CNIH3: variants seen among roughly 807,000 people sequenced by gnomAD.
CNIH3 encodes protein cornichon homolog 3.
CNIH3 carries 14 observed loss-of-function variants against 24.1 expected under a neutral mutation model. The observed-to-expected ratio is 0.58, with a 90% CI of 0.38 to 0.91. The LOEUF is 0.91. Ranked by LOEUF, CNIH3 falls within the 40% of genes least tolerant of loss-of-function variation. The probability of loss-of-function intolerance (pLI) is 0.00; values close to 1 mark genes in which losing one functional copy is unlikely to be tolerated. For synonymous variants in CNIH3, 68 were observed against 73.8 expected (o/e 0.92, Z 0.40); for missense variants, 178 against 196.8 (o/e 0.90, Z 0.57).
At chr1:224,624,999 A>C (rs76585821) in intron 1 of CNIH3, among the ~76,000 whole-genome samples, 8,577 of 152,134 alleles carry the variant, frequency 0.056, 306 homozygotes, top group East Asian at 0.15. Context: ...TTGTCCTCTG[A>C]ACCTGTCCCC....
In CNIH3 at chr1:224,574,757, C is replaced by T. The variant is rs563157089; in HGVS notation, n.517-8407C>T. ...TGAAGCTGGACTACCTGGACCTCTA[C>T]CTTATTCGCTGGCCAACCAGCTTCA... On this transcript the variant is annotated intron_variant and non_coding_transcript_variant, in intron 4 of 5. Coordinates refer to the CNIH3 transcript ENST00000471578. 37 of 1,158,942 alleles carry T rather than the reference C, an allele frequency of 3.2e-5. No homozygotes were observed. The African/African-American group carries it at 3.6e-4, about 11-fold the overall frequency. The allele number at this position is 1,158,942 out of a possible 1,614,324, so 71.8% of individuals were successfully genotyped here. A position where few individuals can be genotyped will look rare whatever the true frequency, so the allele number is the denominator to read the frequency against.
intron 3 of CNIH3, among the ~76,000 whole-genome samples, chr1:224,561,960 G>A (rs1680391715): frequency 6.6e-6 from 1 of 152,172 alleles, no homozygotes; most frequent in Non-Finnish European, 1.5e-5. Context: ...AGAGTGCATG[G>A]AAACTTGTGC....
intron 3 of CNIH3, among the ~76,000 whole-genome samples, chr1:224,725,224 TG>T (rs1437565933): frequency 6.6e-6 from 1 of 152,076 alleles, no homozygotes; most frequent in African/African-American, 2.4e-5. Context: ...AAAATAATAA[TG>T]ATAATAATGA....
intron 3 of CNIH3, among the ~76,000 whole-genome samples, chr1:224,700,472 C>T (rs1306256350): frequency 6.6e-6 from 1 of 152,152 alleles, no homozygotes; most frequent in Non-Finnish European, 1.5e-5. Context: ...AATGATTTAC[C>T]TGCCCTTGAA....
chr1:224,666,885 C>T (rs568268511), intron 1 of CNIH3, among the ~76,000 whole-genome samples: 6 of 152,310 alleles, frequency 3.9e-5, no homozygotes, highest in South Asian at 4.1e-4. Flanking sequence ...TGTCATGTCA[C>T]GTGCATGCGG....
intron 1 of CNIH3, among the ~76,000 whole-genome samples, chr1:224,449,245 T>C (rs1675290627): frequency 6.6e-6 from 1 of 152,158 alleles, no homozygotes; most frequent in Non-Finnish European, 1.5e-5. Context: ...ATTACAGGTG[T>C]GAGCCACCGC....
At chr1:224,453,896 T>C (rs568825896) in intron 1 of CNIH3, among the ~76,000 whole-genome samples, 1 of 152,182 alleles carries the variant, frequency 6.6e-6, no homozygotes, top group African/African-American at 2.4e-5. Flanking sequence ...CTCCCTCCCC[T>C]CAACAGAACT....
At position 224,580,150 on chromosome 1, in the gene CNIH3, C is replaced by T. The variant is rs138057469; in HGVS notation, n.517-3014C>T. Among the ~76,000 whole-genome samples the T allele has an allele frequency of 2.2e-3, 336 of 152,260 alleles. 2 individuals are homozygous for T. Among genetic ancestry groups the T allele is most frequent in the African/African-American group, 7.1e-3 (295 of 41,556 alleles). On this transcript the variant is annotated intron_variant and non_coding_transcript_variant, in intron 4 of 5. Coordinates refer to the CNIH3 transcript ENST00000471578. ...CTTCAGCCAAGTGCTGAGGGAATGA[C>T]GGGCTGGGGAGTATCTAACTATATC...
In CNIH3 at chr1:224,739,329, C is replaced by T; in HGVS notation, c.456C>T (p.Cys152=). The T allele has an allele frequency of 1.2e-6, 1 of 827,200 alleles. No homozygotes were observed. Among genetic ancestry groups the T allele is most frequent in the Non-Finnish European group, 1.9e-6 (1 of 533,658 alleles). The allele number at this position is 827,200 out of a possible 1,614,324, so 51.2% of individuals were successfully genotyped here. The change falls in exon 6 of 6, where the codon TGC becomes TGT. Residue 152 remains cysteine, a splice_region_variant and synonymous_variant. Coordinates refer to ENST00000272133, the MANE Select transcript of CNIH3 (RefSeq NM_152495.2). ...TTTTTTTTTTTTTTTTTGCATTCAG[C>T]ATGATCTACACTTTAGTGAGCTCTT... ...YLLSFFYYLY[C]MIYTLVSS
exon 4 of CNIH3, chr1:224,566,235 G>C (rs1680575703): frequency 6.6e-6 from 1 of 152,046 alleles, no homozygotes; most frequent in Non-Finnish European, 1.5e-5. Flanking sequence ...AAACTGGAGA[G>C]ACCAGTGCCA....
chr1:224,609,946 C>A lies in CNIH3; in HGVS notation n.402+43682C>A, dbSNP rs1682606853. On this transcript the variant is annotated intron_variant and non_coding_transcript_variant, in intron 3 of 7. Coordinates refer to the CNIH3 transcript ENST00000478120. ...AGACAGTCCCCGACTTATGACTGTT[C>A]ATCTTAAGATTTTTCAACTTCACAA... Among the ~76,000 whole-genome samples the A allele has an allele frequency of 1.3e-5, 2 of 152,196 alleles. 1 individual carries two copies. The highest frequency in any genetic ancestry group is 4.1e-4 in the South Asian group (2 of 4,828).
intron 1 of CNIH3, among the ~76,000 whole-genome samples, chr1:224,626,920 C>T (rs1160436751): frequency 2.6e-5 from 4 of 152,204 alleles, no homozygotes; most frequent in Non-Finnish European, 5.9e-5. Context: ...TCTGCTCACT[C>T]CAACCTACCA....
intron 1 of CNIH3, among the ~76,000 whole-genome samples, chr1:224,668,970 G>C (rs1040102346): frequency 1.3e-5 from 2 of 152,186 alleles, no homozygotes; most frequent in Non-Finnish European, 2.9e-5. Context: ...CACACTGCAG[G>C]CTGCCCCCAC....
At chr1:224,651,297 A>G (rs779116286) in intron 1 of CNIH3, among the ~76,000 whole-genome samples, 2 of 152,182 alleles carry the variant, frequency 1.3e-5, no homozygotes, top group Non-Finnish European at 2.9e-5. Flanking sequence ...GAATAAGGAA[A>G]CTACGTAGTG....
chr1:224,519,681 G>T (rs1386799556), intron 1 of CNIH3, among the ~76,000 whole-genome samples: 1 of 149,798 alleles, frequency 6.7e-6, no homozygotes, highest in Non-Finnish European at 1.5e-5. Flanking sequence ...CAGGAAATAT[G>T]TATATGTATA....
intron 1 of CNIH3, among the ~76,000 whole-genome samples, chr1:224,635,023 C>T (rs1684018816): frequency 6.6e-6 from 1 of 152,166 alleles, no homozygotes. Context: ...AAAGAACTAC[C>T]TGAGACTGGG....
chr1:224,731,122 C>G lies in CNIH3; in HGVS notation c.311+548C>G, dbSNP rs147242786. Among the ~76,000 whole-genome samples the G allele has an allele frequency of 2.3e-4, 35 of 152,184 alleles. No homozygotes were observed. The East Asian group carries it at 5.2e-3, about 23-fold the overall frequency. ...AGGGAATGAGAATAGGGAATGACTG[C>G]TAATGGGTCAAAGGTTTTCTTTTTA... is the stretch of plus-strand genomic sequence containing the variant. On this transcript the variant is annotated intron_variant, in intron 4 of 5. Transcript: ENST00000272133.
chr1:224,738,388 G>A (rs1304115064), intron 5 of CNIH3, among the ~76,000 whole-genome samples: 1 of 152,200 alleles, frequency 6.6e-6, no homozygotes. Context: ...CCCAAGTAGA[G>A]TAAGTCCCTC....
chr1:224,615,457 T>A (rs1411444121), upstream of CNIH3: 1 of 152,232 alleles, frequency 6.6e-6, no homozygotes, highest in Non-Finnish European at 1.5e-5. Flanking sequence ...TAATAATCCC[T>A]ACCACTTATT....
Sources: gnomAD v4.1 joint callset for allele counts (sites outside exome capture counted in the v4.1 genomes callset) on GRCh38, gnomAD v4.1.1 for gene constraint, MANE v1.5 for transcripts, NCBI Gene and HGNC (gene_info 2026-07-23, HGNC 2026-07-21) for gene names.